CNOT6L: variants seen among roughly 807,000 people sequenced by gnomAD.
The protein encoded by CNOT6L is CCR4-NOT transcription complex subunit 6 like.
A neutral mutation model predicts 64.0 loss-of-function variants in CNOT6L; 7 were observed. That is an observed-to-expected ratio of 0.11 (90% CI 0.06 to 0.21). The LOEUF (loss-of-function observed/expected upper bound fraction) is 0.21. Ranked by LOEUF, CNOT6L falls within the 10% of genes least tolerant of loss-of-function variation. CNOT6L has a pLI of 1.00. For synonymous variants in CNOT6L, 193 were observed against 243.4 expected, an observed-to-expected ratio of 0.79 and a Z score of 1.93; for missense variants, 245 against 669.0, an observed-to-expected ratio of 0.37 and a Z score of 6.99.
intron 1 of CNOT6L, among the ~76,000 whole-genome samples, chr4:77,802,148 G>T (rs1002975374): frequency 6.6e-6 from 1 of 152,142 alleles, no homozygotes; most frequent in Non-Finnish European, 1.5e-5. Context: ...GTTGATGATT[G>T]TGAGGTGTGT....
chr4:77,803,840 C>CTGCA (rs1411750727), intron 1 of CNOT6L, among the ~76,000 whole-genome samples: 1 of 151,646 alleles, frequency 6.6e-6, no homozygotes, highest in African/African-American at 2.4e-5. Flanking sequence ...GAGGCCAAGG[C>CTGCA]TGCAGTGAGC....
intron 1 of CNOT6L, among the ~76,000 whole-genome samples, chr4:77,814,500 T>C (rs914125383): frequency 6.6e-6 from 1 of 152,294 alleles, no homozygotes; most frequent in African/African-American, 2.4e-5. Flanking sequence ...CACTAGTTCA[T>C]TTGTTTTGAA....
chr4:77,773,885 A>G (rs1450347170), intron 3 of CNOT6L, among the ~76,000 whole-genome samples: 1 of 152,112 alleles, frequency 6.6e-6, no homozygotes, highest in African/African-American at 2.4e-5. Context: ...AGCCTATAGG[A>G]AAAAAATAGC....
intron 9 of CNOT6L, 105 bp downstream of exon 9, chr4:77,731,282 A>C: frequency 1.9e-6 from 2 of 1,029,234 alleles, no homozygotes; most frequent in South Asian, 1.5e-5. Context: ...CTCAAAAGAA[A>C]ATAACTTTGC....
rs1188225473 is a variant in CNOT6L, at chr4:77,818,960, G to A, written c.5+344C>T. 3 of 659,988 alleles carry A rather than the reference G, an allele frequency of 4.5e-6. No individual in the cohort carries two copies. In the East Asian group the frequency reaches 8.8e-5, roughly 19 times the overall value. 40.9% of individuals were successfully genotyped at this position (659,988 alleles called of 1,614,324 possible). A position where few individuals can be genotyped will look rare whatever the true frequency, so the allele number is the denominator to read the frequency against. ...TCAGCCCTCCCCGGCCGGCCCCCTAGGAGCAGCTCTCACCTGCGAGGCTCG... is the reference window on the plus strand; with the variant it reads ...TCAGCCCTCCCCGGCCGGCCCCCTAAGAGCAGCTCTCACCTGCGAGGCTCG... On this transcript the variant is annotated intron_variant, in intron 1 of 11. Coordinates refer to ENST00000504123, the MANE Select transcript of CNOT6L (RefSeq NM_144571.3).
chr4:77,799,544 A>C (rs1731266299), intron 1 of CNOT6L, among the ~76,000 whole-genome samples: 1 of 152,030 alleles, frequency 6.6e-6, no homozygotes, highest in Non-Finnish European at 1.5e-5. Flanking sequence ...GTTTCTACTA[A>C]AAATACAAAA....
chr4:77,777,204 T>C (rs1269055598), intron 1 of CNOT6L, among the ~76,000 whole-genome samples: 1 of 152,254 alleles, frequency 6.6e-6, no homozygotes, highest in Non-Finnish European at 1.5e-5. Context: ...TCTGTTGTTC[T>C]GAAGCAATTA....
At chr4:77,737,423 T>C (rs1394138756) in intron 8 of CNOT6L, among the ~76,000 whole-genome samples, 1 of 118,646 alleles carries the variant, frequency 8.4e-6, no homozygotes, top group Non-Finnish European at 1.8e-5. Flanking sequence ...TTTTTTTTTT[T>C]TTTTTTTTTT....
At chr4:77,776,883 G>A (rs905133724) in intron 1 of CNOT6L, among the ~76,000 whole-genome samples, 2 of 152,154 alleles carry the variant, frequency 1.3e-5, no homozygotes, top group African/African-American at 2.4e-5. Context: ...TATAGGAGAA[G>A]CAGGCTTCTC....
chr4:77,809,024 G>A (rs1324605283), intron 1 of CNOT6L, among the ~76,000 whole-genome samples: 2 of 152,138 alleles, frequency 1.3e-5, no homozygotes, highest in East Asian at 3.8e-4. Flanking sequence ...TACTACAGAT[G>A]TGCCAGGTAG....
Position 77,716,133 on chromosome 4 carries a change from G to A in CNOT6L, c.*4298C>T, listed in dbSNP as rs1262583513. On this transcript the variant is annotated 3_prime_UTR_variant, in exon 12 of 12. Transcript: ENST00000504123. Reference sequence around the variant, plus strand: ...AAAAGTGACCTTTTTTAAAGGGTAGGGCAGGTGGGAAAAAGAATATCTCAT... The same window carrying A: ...AAAAGTGACCTTTTTTAAAGGGTAGAGCAGGTGGGAAAAAGAATATCTCAT... The A allele has an allele frequency of 1.6e-5, 1 of 60,806 alleles. No individual in the cohort carries two copies. The highest frequency in any genetic ancestry group is 2.2e-4 in the Admixed American group (1 of 4,514). 3.8% of individuals were successfully genotyped at this position (60,806 alleles called of 1,614,324 possible).
At chr4:77,799,988 G>A (rs1415253487) in intron 1 of CNOT6L, among the ~76,000 whole-genome samples, 1 of 151,604 alleles carries the variant, frequency 6.6e-6, no homozygotes, top group Non-Finnish European at 1.5e-5. Flanking sequence ...TCCAAGAATT[G>A]AGTATTTTTT....
intron 10 of CNOT6L, 97 bp downstream of exon 10, chr4:77,728,757 T>C: frequency 1.1e-6 from 1 of 875,930 alleles, no homozygotes; most frequent in South Asian, 1.5e-5. Context: ...TATGATACAT[T>C]CCTTAATTTA....
At chr4:77,773,035 C>T (rs1007723184) in intron 4 of CNOT6L, 46 bp downstream of exon 4, 2 of 1,303,792 alleles carry the variant, frequency 1.5e-6, no homozygotes. Flanking sequence ...CCAAAATGCT[C>T]TTTAAAAGGC....
chr4:77,782,779 A>G (rs1041235697), intron 1 of CNOT6L, among the ~76,000 whole-genome samples: 6 of 151,866 alleles, frequency 4.0e-5, no homozygotes, highest in African/African-American at 1.5e-4. Flanking sequence ...ACAACCAACT[A>G]TAGTATTTAT....
intron 4 of CNOT6L, among the ~76,000 whole-genome samples, 180 bp downstream of exon 4, chr4:77,772,901 C>T (rs1394875226): frequency 1.3e-5 from 2 of 152,014 alleles, no homozygotes; most frequent in African/African-American, 2.4e-5. Context: ...CCAGCCTGGG[C>T]GACAGACCAA....
At chr4:77,808,744 A>G (rs1048127145) in intron 1 of CNOT6L, among the ~76,000 whole-genome samples, 3 of 152,184 alleles carry the variant, frequency 2.0e-5, no homozygotes, top group African/African-American at 7.2e-5. Flanking sequence ...TAAAGGCAAG[A>G]GCAACATCTA....
At chr4:77,817,710 G>A (rs1169003224) in intron 1 of CNOT6L, among the ~76,000 whole-genome samples, 2 of 152,180 alleles carry the variant, frequency 1.3e-5, no homozygotes, top group Admixed American at 6.5e-5. Context: ...AGTGGTAATA[G>A]AGAACAGCTC....
At position 77,731,206 on chromosome 4, in the gene CNOT6L, T is replaced by C. The variant is rs559653880; in HGVS notation, c.1024+181A>G. Among the ~76,000 whole-genome samples the C allele has an allele frequency of 2.6e-5, 4 of 152,228 alleles. No individual in the cohort carries two copies. In the South Asian group the frequency reaches 8.3e-4, roughly 32 times the overall value. On this transcript the variant is annotated intron_variant, in intron 9 of 11. Transcript: ENST00000504123. ...AAAGACTGTGATAGAGAGCACAAAA[T>C]ATCCCAACAAATATATGATGCTTTA...
Sources: allele counts gnomAD v4.1 joint callset (sites outside exome capture counted in the v4.1 genomes callset), GRCh38; gene constraint gnomAD v4.1.1; transcripts MANE v1.5; gene names NCBI Gene and HGNC (gene_info 2026-07-23, HGNC 2026-07-21).